NCOA7: variants seen among roughly 807,000 people sequenced by gnomAD.
NCOA7 encodes the protein 140 kDa estrogen receptor-associated protein.
Under a neutral mutation model 104.3 loss-of-function variants are expected in NCOA7, and 45 were observed. That is an observed-to-expected ratio of 0.43 (90% CI 0.34 to 0.55). The LOEUF is 0.55. Among genes scored for constraint, NCOA7 ranks in the 20% least tolerant of loss-of-function variants. The pLI, the probability that NCOA7 is intolerant of heterozygous loss-of-function variation, is 0.02. For missense variants in NCOA7, 1,041 were observed against 1,119.7 expected (o/e 0.93, Z 1.00); for synonymous variants, 398 against 402.3 (o/e 0.99, Z 0.13).
intron 10 of NCOA7, among the ~76,000 whole-genome samples, chr6:125,914,985 T>G (rs1433732357): frequency 6.6e-6 from 1 of 152,172 alleles, no homozygotes; most frequent in African/African-American, 2.4e-5. Flanking sequence ...AGATCTACAT[T>G]TTTTTCCTCA....
At chr6:125,912,161 A>G (rs1399130277) in intron 10 of NCOA7, among the ~76,000 whole-genome samples, 1 of 152,142 alleles carries the variant, frequency 6.6e-6, no homozygotes, top group Non-Finnish European at 1.5e-5. Flanking sequence ...GGCTCATGAT[A>G]GATCTTCAGA....
upstream of NCOA7, among the ~76,000 whole-genome samples, chr6:125,790,034 T>C (rs1182561126): frequency 1.3e-5 from 2 of 152,064 alleles, no homozygotes; most frequent in Non-Finnish European, 2.9e-5. Flanking sequence ...ATGCAAACCT[T>C]CCCCCTCCAA....
At chr6:125,839,857 A>G (rs1291665567) in intron 2 of NCOA7, among the ~76,000 whole-genome samples, 1 of 152,100 alleles carries the variant, frequency 6.6e-6, no homozygotes, top group Non-Finnish European at 1.5e-5. Flanking sequence ...CATAGTACAT[A>G]CAATTATTTA....
At chr6:125,862,927 A>C (rs1417848809) in intron 3 of NCOA7, among the ~76,000 whole-genome samples, 1 of 139,144 alleles carries the variant, frequency 7.2e-6, no homozygotes, top group Admixed American at 6.8e-5. Flanking sequence ...CCCAGGATGC[A>C]GAGGTTGCAG....
intron 2 of NCOA7, among the ~76,000 whole-genome samples, chr6:125,848,979 A>C (rs1318320243): frequency 6.6e-6 from 1 of 152,154 alleles, no homozygotes; most frequent in Non-Finnish European, 1.5e-5. Context: ...AAAGTGGAAA[A>C]ATTCAGAAGA....
intron 2 of NCOA7, among the ~76,000 whole-genome samples, chr6:125,837,375 G>A (rs556630617): frequency 1.7e-3 from 261 of 152,176 alleles, no homozygotes; most frequent in African/African-American, 5.9e-3. Context: ...AAAGAAATAA[G>A]TATATCAGAG....
intron 1 of NCOA7, among the ~76,000 whole-genome samples, chr6:125,811,006 A>G (rs1776949392): frequency 6.6e-6 from 1 of 152,236 alleles, no homozygotes; most frequent in South Asian, 2.1e-4. Flanking sequence ...CTCATCTTGC[A>G]GTATAAAAAT....
intron 1 of NCOA7, among the ~76,000 whole-genome samples, chr6:125,795,072 CTAATTGTT>C (rs1474879709): frequency 3.9e-5 from 6 of 152,106 alleles, no homozygotes; most frequent in African/African-American, 1.4e-4. Flanking sequence ...GTTTTGACAC[CTAATTGTT>C]AAGTTGGTTG....
chr6:125,782,578 G>A (rs1774275687), intron 1 of NCOA7, among the ~76,000 whole-genome samples: 1 of 152,126 alleles, frequency 6.6e-6, no homozygotes, highest in African/African-American at 2.4e-5. Flanking sequence ...CCTTTACTCT[G>A]GAACAGTTTC....
chr6:125,930,093 C>T lies in NCOA7; in HGVS notation c.*1322C>T, dbSNP rs988687466. ...AAATAAAGGTCCAGGCATAGTGGCT[C>T]TTGCCTGTAATCCCAGCACTTTGGG... On this transcript the variant is annotated 3_prime_UTR_variant, in exon 16 of 16. Transcript: ENST00000392477. 2 of 152,216 alleles carry T rather than the reference C, an allele frequency of 1.3e-5. No homozygotes were observed. Among genetic ancestry groups the T allele is most frequent in the African/African-American group, 2.4e-5 (1 of 41,450 alleles). The allele number at this position is 152,216 out of a possible 1,614,324, so 9.4% of individuals were successfully genotyped here. A position where few individuals can be genotyped will look rare whatever the true frequency, so the allele number is the denominator to read the frequency against.
At chr6:125,834,022 A>G (rs992461984) in intron 2 of NCOA7, among the ~76,000 whole-genome samples, 3 of 152,232 alleles carry the variant, frequency 2.0e-5, no homozygotes, top group African/African-American at 7.2e-5. Flanking sequence ...TTTTTTTAAA[A>G]TCGTAATGCT....
At chr6:125,882,632 T>A in intron 7 of NCOA7, 81 bp downstream of exon 7, 1 of 1,516,712 alleles carries the variant, frequency 6.6e-7, no homozygotes, top group South Asian at 1.2e-5. Flanking sequence ...GAACAGAGGC[T>A]ACATTAAAAG....
chr6:125,813,449 ATTTTTTT>A, intron 1 of NCOA7, among the ~76,000 whole-genome samples: 1 of 135,684 alleles, frequency 7.4e-6, no homozygotes, highest in Middle Eastern at 3.8e-3. Context: ...GGGAAATGCA[ATTTTTTT>A]TTTTTTTTTT....
chr6:125,847,092 C>T (rs946616999), intron 2 of NCOA7, among the ~76,000 whole-genome samples: 26 of 152,124 alleles, frequency 1.7e-4, no homozygotes, highest in African/African-American at 6.3e-4. Context: ...TGTAATTGTA[C>T]ATGGTATAAA....
chr6:125,858,523 G>C (rs896107358), intron 3 of NCOA7, among the ~76,000 whole-genome samples: 1 of 151,888 alleles, frequency 6.6e-6, no homozygotes, highest in Admixed American at 6.6e-5. Context: ...TGTAGTCCCA[G>C]CTACTTGGGA....
intron 1 of NCOA7, among the ~76,000 whole-genome samples, chr6:125,798,789 AATG>A (rs1583232506): frequency 6.6e-6 from 1 of 152,198 alleles, no homozygotes; most frequent in South Asian, 2.1e-4. Flanking sequence ...TATGTATTAT[AATG>A]ATAATTATTG....
intron 2 of NCOA7, among the ~76,000 whole-genome samples, chr6:125,836,722 G>C (rs1487292283): frequency 6.6e-6 from 1 of 152,124 alleles, no homozygotes; most frequent in African/African-American, 2.4e-5. Flanking sequence ...ATGCCTGGGA[G>C]CAGAACATTT....
intron 1 of NCOA7, among the ~76,000 whole-genome samples, chr6:125,807,595 A>T (rs1303320363): frequency 3.3e-5 from 5 of 152,152 alleles, no homozygotes. Context: ...ATGTGGGGTA[A>T]ATTTCCACCT....
intron 7 of NCOA7, 198 bp downstream of exon 7, chr6:125,882,749 A>G (rs550746132): frequency 6.5e-6 from 4 of 613,016 alleles, no homozygotes; most frequent in African/African-American, 5.6e-5. Context: ...CTGAGTGGAA[A>G]TGTGATTCTT....
Sources: allele counts gnomAD v4.1 joint callset (sites outside exome capture counted in the v4.1 genomes callset), GRCh38; gene constraint gnomAD v4.1.1; transcripts MANE v1.5; gene names NCBI Gene and HGNC (gene_info 2026-07-23, HGNC 2026-07-21).